The following CTNNA1 variants were observed in gnomAD, a reference collection of about 807,000 sequenced individuals.
CTNNA1 encodes catenin alpha-1.
CTNNA1 carries 37 observed loss-of-function variants against 98.4 expected under a neutral mutation model. The ratio of observed to expected loss-of-function variants is 0.38; its 90% CI spans 0.29 to 0.49. The LOEUF (loss-of-function observed/expected upper bound fraction) is 0.49, where lower values mean the gene tolerates loss of function less well. Among genes scored for constraint, CTNNA1 ranks in the 20% least tolerant of loss-of-function variants. The pLI, the probability that CTNNA1 is intolerant of heterozygous loss-of-function variation, is 0.95. For missense variants in CTNNA1, 761 were observed against 1,147.2 expected (o/e 0.66, Z 4.86); for synonymous variants, 404 against 413.2 (o/e 0.98, Z 0.27).
In CTNNA1 at chr5:138,844,808, T is replaced by C. The variant is rs1762569818; in HGVS notation, c.1062+17090T>C. Among the ~76,000 whole-genome samples, 4 of 152,302 alleles carry C rather than the reference T, an allele frequency of 2.6e-5. No individual in the cohort carries two copies. In the East Asian group the frequency reaches 7.7e-4, roughly 29 times the overall value. On this transcript the variant is annotated intron_variant, in intron 7 of 17. Transcript: ENST00000302763. ...TAGGATATACAAAGAAAGAAAAGAT[T>C]GGCATTCATTGGCTCTGGGGAGTGG...
intron 7 of CTNNA1, among the ~76,000 whole-genome samples, chr5:138,845,114 A>G (rs958188052): frequency 2.8e-4 from 43 of 152,340 alleles, no homozygotes; most frequent in Admixed American, 2.6e-4. Context: ...TGTTTTGATC[A>G]TATTGTTATT....
intron 5 of CTNNA1, among the ~76,000 whole-genome samples, chr5:138,820,195 A>C (rs1759890652): frequency 6.6e-6 from 1 of 151,934 alleles, no homozygotes; most frequent in African/African-American, 2.4e-5. Flanking sequence ...CCCCATGAGT[A>C]AGGGTATAAC....
chr5:138,872,971 G>C (rs1192906446), intron 7 of CTNNA1: 1 of 1,426,410 alleles, frequency 7.0e-7, no homozygotes, highest in South Asian at 1.4e-5. Context: ...ATGTAAAATA[G>C]GTTACTTATC....
intron 7 of CTNNA1, among the ~76,000 whole-genome samples, chr5:138,839,399 C>T (rs1376305042): frequency 6.6e-6 from 1 of 151,774 alleles, no homozygotes; most frequent in East Asian, 1.9e-4. Flanking sequence ...TGGGGTTTTC[C>T]CATGTTGGCC....
At chr5:138,782,724 T>G (rs1755260908) in intron 2 of CTNNA1, among the ~76,000 whole-genome samples, 1 of 152,226 alleles carries the variant, frequency 6.6e-6, no homozygotes, top group African/African-American at 2.4e-5. Context: ...TACTAATTGC[T>G]GAGATTTGTG....
At chr5:138,845,307 C>T (rs959910187) in intron 7 of CTNNA1, among the ~76,000 whole-genome samples, 1 of 152,198 alleles carries the variant, frequency 6.6e-6, no homozygotes, top group African/African-American at 2.4e-5. Context: ...AAACACTAAG[C>T]TAGTCTACTT....
chr5:138,913,583 CAAAA>C (rs66895615), intron 10 of CTNNA1, among the ~76,000 whole-genome samples: 5 of 130,042 alleles, frequency 3.8e-5, no homozygotes, highest in African/African-American at 1.4e-4. Context: ...GACCCTGTCT[CAAAA>C]AAAAAAAAAA....
At chr5:138,785,360 C>T (rs1032156993) in intron 3 of CTNNA1, among the ~76,000 whole-genome samples, 1 of 152,060 alleles carries the variant, frequency 6.6e-6, no homozygotes, top group Non-Finnish European at 1.5e-5. Context: ...CGCGCCCGGC[C>T]TAATTTATTT....
At chr5:138,933,055 G>A (rs1765732268) in intron 17 of CTNNA1, 1 of 736,342 alleles carries the variant, frequency 1.4e-6, no homozygotes, top group Non-Finnish European at 2.5e-6. Context: ...AATTACTTGA[G>A]CCTGGGAGAT....
chr5:138,758,347 G>A lies in CTNNA1; in HGVS notation c.-3+4837G>A, dbSNP rs112587001. Among the ~76,000 whole-genome samples the A allele has an allele frequency of 1.3e-3, 195 of 149,688 alleles. 1 individual carries two copies. The highest frequency in any genetic ancestry group is 4.5e-3 in the African/African-American group (183 of 40,334). ...CTCCCTAGTAGCTGGGACTGCAGGCGCCTGCCACCACACCCGGCTAACTTT... is the reference window on the plus strand; with the variant it reads ...CTCCCTAGTAGCTGGGACTGCAGGCACCTGCCACCACACCCGGCTAACTTT... On this transcript the variant is annotated intron_variant, in intron 1 of 17. Transcript: ENST00000302763.
chr5:138,895,332 T>C (rs1756537486), intron 9 of CTNNA1, among the ~76,000 whole-genome samples: 1 of 152,222 alleles, frequency 6.6e-6, no homozygotes. Context: ...CTTTGTCTTA[T>C]TCTGAAGTAT....
intron 1 of CTNNA1, among the ~76,000 whole-genome samples, chr5:138,759,378 G>A (rs1001045479): frequency 3.9e-5 from 6 of 152,296 alleles, no homozygotes; most frequent in Middle Eastern, 3.4e-3. Flanking sequence ...TTCCCTGGGC[G>A]CATGCACCAT....
At chr5:138,778,152 C>A (rs986256886) in intron 1 of CTNNA1, among the ~76,000 whole-genome samples, 7 of 93,406 alleles carry the variant, frequency 7.5e-5, no homozygotes, top group African/African-American at 1.9e-4. Context: ...CGCCACCACG[C>A]CCGGCTAATT....
chr5:138,931,275 T>C (rs1765254786), intron 16 of CTNNA1, among the ~76,000 whole-genome samples: 1 of 152,158 alleles, frequency 6.6e-6, no homozygotes, highest in Non-Finnish European at 1.5e-5. Context: ...GGTTTCTTCA[T>C]CCTCAGCACT....
intron 3 of CTNNA1, among the ~76,000 whole-genome samples, chr5:138,802,113 A>G (rs1049112959): frequency 2.0e-5 from 3 of 152,224 alleles, no homozygotes; most frequent in Non-Finnish European, 4.4e-5. Flanking sequence ...GATTAAAAAG[A>G]TGCTCATTCT....
chr5:138,765,903 C>T (rs564272317), intron 1 of CTNNA1, among the ~76,000 whole-genome samples: 36 of 143,530 alleles, frequency 2.5e-4, no homozygotes, highest in South Asian at 1.6e-3. Context: ...GAGCCAAGAT[C>T]GCGCCACTGC....
At chr5:138,920,829 C>G (rs1762776123) in intron 11 of CTNNA1, among the ~76,000 whole-genome samples, 2 of 152,084 alleles carry the variant, frequency 1.3e-5, no homozygotes, top group Non-Finnish European at 2.9e-5. Context: ...CCCATTGGCT[C>G]CAGAAATTCC....
intron 7 of CTNNA1, among the ~76,000 whole-genome samples, chr5:138,845,885 G>T (rs143804702): frequency 6.6e-6 from 1 of 152,070 alleles, no homozygotes; most frequent in Non-Finnish European, 1.5e-5. Context: ...TAGATATAGG[G>T]TCAGGGAATG....
At chr5:138,860,284 TGTCCTGTTCTTCATAATCTA>T (rs1452041892) in intron 7 of CTNNA1, among the ~76,000 whole-genome samples, 3 of 152,212 alleles carry the variant, frequency 2.0e-5, no homozygotes, top group Non-Finnish European at 4.4e-5. Context: ...GTTTATAGTT[TGTCCTGTTCTTCATAATCTA>T]TCTGATTCAA....
Sources: gnomAD v4.1 joint callset for allele counts (sites outside exome capture counted in the v4.1 genomes callset) on GRCh38, gnomAD v4.1.1 for gene constraint, MANE v1.5 for transcripts, NCBI Gene and HGNC (gene_info 2026-07-23, HGNC 2026-07-21) for gene names.